UBE3B: variants seen among roughly 807,000 people sequenced by gnomAD.
UBE3B encodes the protein ubiquitin-protein ligase E3B.
UBE3B carries 80 observed loss-of-function variants against 132.3 expected under a neutral mutation model. The ratio of observed to expected loss-of-function variants is 0.60; its 90% CI spans 0.50 to 0.73. The LOEUF (loss-of-function observed/expected upper bound fraction) is 0.73, where lower values mean the gene tolerates loss of function less well. Ranked by LOEUF, UBE3B falls within the 30% of genes least tolerant of loss-of-function variation. The probability of loss-of-function intolerance (pLI) is 0.00; values close to 1 mark genes in which losing one functional copy is unlikely to be tolerated. For missense variants in UBE3B, 1,196 were observed against 1,362.5 expected, an observed-to-expected ratio of 0.88 and a Z score of 1.92; for synonymous variants, 487 against 520.4, an observed-to-expected ratio of 0.94 and a Z score of 0.87.
At position 109,530,569 on chromosome 12, in the gene UBE3B, G is replaced by A; in HGVS notation, c.2833G>A (p.Gly945Ser). 3 of 1,614,140 alleles carry A rather than the reference G, an allele frequency of 1.9e-6. No homozygotes were observed. Among genetic ancestry groups the A allele is most frequent in the Non-Finnish European group, 2.5e-6 (3 of 1,180,026 alleles). The change falls in exon 26 of 28, where the codon GGT (glycine) becomes AGT (serine). Residue 945 changes from glycine to serine, a missense_variant. Gly to Ser is a moderately conservative substitution (Grantham distance 56, BLOSUM62 0). Transcript: ENST00000342494. ...CAGGAAGCACACAGTCTACTACGGT[G>A]GTTTCCATGGAAGTCACAGAGTCAT... ...DLKKHTVYYG[G>S]FHGSHRVIIW...
intron 24 of UBE3B, among the ~76,000 whole-genome samples, chr12:109,527,692 G>T (rs1181184974): frequency 1.3e-5 from 2 of 152,128 alleles, no homozygotes; most frequent in African/African-American, 4.8e-5. Context: ...AGTGCAGATT[G>T]GGAGGGACTG....
downstream of UBE3B, among the ~76,000 whole-genome samples, chr12:109,537,981 G>A (rs550817101): frequency 6.6e-6 from 1 of 152,178 alleles, no homozygotes; most frequent in South Asian, 2.1e-4. Context: ...GATTACAGGC[G>A]TGAGCCACCG....
Position 109,509,512 on chromosome 12 carries a change from TTATTGTC to T in UBE3B, c.1623-81_1623-75del, listed in dbSNP as rs1335007438. 81 of 783,660 alleles carry T rather than the reference TTATTGTC, an allele frequency of 1.0e-4. No individual in the cohort carries two copies. The South Asian group carries it at 1.4e-3, about 13-fold the overall frequency. 48.5% of individuals were successfully genotyped at this position (783,660 alleles called of 1,614,324 possible). A position where few individuals can be genotyped will look rare whatever the true frequency, so the allele number is the denominator to read the frequency against. Reference sequence around the variant, plus strand: ...GATAAAGCTTATTTCTCAACCTCGTTTATTGTCTAGTAAGCAGTACAGATTTTTTTTC... The same window carrying T: ...GATAAAGCTTATTTCTCAACCTCGTTTAGTAAGCAGTACAGATTTTTTTTC... On this transcript the variant is annotated intron_variant, in intron 15 of 27. Transcript: ENST00000342494.
chr12:109,545,250 GC>G, the UBE3B span, among the ~76,000 whole-genome samples: 54 of 152,348 alleles, frequency 3.5e-4, no homozygotes, highest in Admixed American at 1.5e-3. Context: ...TGCAGATGGT[GC>G]CAGATGAGCC....
intron 12 of UBE3B, 96 bp from the exon 13 acceptor site, chr12:109,501,275 C>T (rs982398680): frequency 1.3e-6 from 2 of 1,486,900 alleles, no homozygotes; most frequent in East Asian, 4.6e-5. Flanking sequence ...GTCCTAGCTA[C>T]AGCTCCGAGT....
In UBE3B at chr12:109,507,893, T is replaced by C. The variant is rs183742538; in HGVS notation, c.1622+158T>C. Reference sequence around the variant, plus strand: ...CTAGCCATTTACCAAGTGAGCAGTGTGCAGTAAATGTTCAGCAGTTGTTAG... The same window carrying C: ...CTAGCCATTTACCAAGTGAGCAGTGCGCAGTAAATGTTCAGCAGTTGTTAG... On this transcript the variant is annotated intron_variant, in intron 15 of 27. Transcript: ENST00000342494. 9.6e-4 allele frequency among the ~76,000 whole-genome samples: 147 copies of C among 152,348 alleles called. 1 individual carries two copies. The highest frequency in any genetic ancestry group is 3.4e-3 in the African/African-American group (141 of 41,580).
chr12:109,498,060 A>G, intron 10 of UBE3B, 137 bp downstream of exon 10: 3 of 1,304,308 alleles, frequency 2.3e-6, no homozygotes, highest in Non-Finnish European at 3.2e-6. Flanking sequence ...TGGCCGTGAT[A>G]GACACATTTG....
In UBE3B at chr12:109,503,150, G is replaced by C. The variant is rs758248355; in HGVS notation, c.1410G>C (p.Ser470=). The C allele has an allele frequency of 6.2e-7, 1 of 1,614,164 alleles. No individual in the cohort carries two copies. The highest frequency in any genetic ancestry group is 8.5e-7 in the Non-Finnish European group (1 of 1,180,036). Residue 470 remains serine, a synonymous_variant, in exon 14 of 28, where the codon TCG becomes TCC. Coordinates refer to ENST00000342494, the MANE Select transcript of UBE3B (RefSeq NM_130466.4). The part of the protein sequence containing the change: ...VCNICVLYQT[S]LTTLTQIRLQ... ...ACATCTGTGTCCTCTACCAGACCTCGCTGACAACTCTCACACAGATTCGGC... is the reference window on the plus strand; with the variant it reads ...ACATCTGTGTCCTCTACCAGACCTCCCTGACAACTCTCACACAGATTCGGC...
chr12:109,498,737 A>G (rs1310872647), intron 11 of UBE3B, among the ~76,000 whole-genome samples: 1 of 152,176 alleles, frequency 6.6e-6, no homozygotes, highest in Non-Finnish European at 1.5e-5. Context: ...TTCATTGTAG[A>G]TGGAAGAAAG....
At position 109,515,950 on chromosome 12, in the gene UBE3B, TGAAAGGTCAGG is replaced by T. The variant is rs2136023259; in HGVS notation, c.1957-812_1957-802del. Among the ~76,000 whole-genome samples, 2 of 152,260 alleles carry T rather than the reference TGAAAGGTCAGG, an allele frequency of 1.3e-5. 1 individual carries two copies. The highest frequency in any genetic ancestry group is 4.1e-4 in the South Asian group (2 of 4,826). ...GCTTGAAGGCACAGAGGAGGCAGGT[TGAAAGGTCAGG>T]GAGCTTTATACTGTAGGGTCATTTT... On this transcript the variant is annotated intron_variant, in intron 18 of 27. Transcript: ENST00000342494.
downstream of UBE3B, among the ~76,000 whole-genome samples, chr12:109,537,626 C>T (rs1883503136): frequency 6.6e-6 from 1 of 152,222 alleles, no homozygotes; most frequent in Admixed American, 6.5e-5. Flanking sequence ...CACCTGCCTC[C>T]CCAAAACACA....
chr12:109,500,481 C>T (rs1878826782), intron 12 of UBE3B, among the ~76,000 whole-genome samples: 1 of 152,142 alleles, frequency 6.6e-6, no homozygotes, highest in Non-Finnish European at 1.5e-5. Flanking sequence ...GAGGAAATCC[C>T]CAAATTTTTC....
chr12:109,483,507 C>A (rs752830444), intron 2 of UBE3B, 24 bp from the exon 3 acceptor site: 2 of 1,523,318 alleles, frequency 1.3e-6, no homozygotes, highest in Admixed American at 4.5e-5. Context: ...ATCTACAACA[C>A]CCACTTGCCC....
At chr12:109,533,676 C>G (rs12303137) in intron 27 of UBE3B, 118 bp downstream of exon 27, 251,813 of 1,054,844 alleles carry the variant, frequency 0.24, 32,204 homozygotes, top group Middle Eastern at 0.27. Context: ...CAGCTGGACC[C>G]CTCAGAGCCA....
chr12:109,544,285 A>C, the UBE3B span, among the ~76,000 whole-genome samples: 1 of 150,456 alleles, frequency 6.6e-6, no homozygotes, highest in Non-Finnish European at 1.5e-5. Context: ...GTGGACACTC[A>C]GAGCGAGAGA....
intron 1 of UBE3B, among the ~76,000 whole-genome samples, chr12:109,479,069 G>A (rs760207401): frequency 7.9e-5 from 12 of 152,226 alleles, no homozygotes; most frequent in Non-Finnish European, 1.2e-4. Context: ...GACTGGAGTA[G>A]ATGAGATCAT....
At chr12:109,495,473 C>T (rs1322234492) in intron 9 of UBE3B, among the ~76,000 whole-genome samples, 1 of 152,162 alleles carries the variant, frequency 6.6e-6, no homozygotes, top group Non-Finnish European at 1.5e-5. Flanking sequence ...AGTTGTGCAA[C>T]CATCACCTGC....
chr12:109,501,396 A>G lies in UBE3B; in HGVS notation c.1144A>G (p.Thr382Ala). 1 of 1,614,150 alleles carries G rather than the reference A, an allele frequency of 6.2e-7. No individual in the cohort carries two copies. The highest frequency in any genetic ancestry group is 8.5e-7 in the Non-Finnish European group (1 of 1,180,036). The stretch of plus-strand genomic sequence containing the variant: ...CCTTAACGAGTCAATGCACTTGATC[A>G]CCAAACAGCTGCAGTTCTTGTGGGG... ...YGLNESMHLI[T>A]KQLQFLWGVP... is the part of the protein sequence containing the mutation. The change falls in exon 13 of 28, where the codon ACC becomes GCC. Residue 382 changes from threonine (T) to alanine (A), a missense_variant. Coordinates refer to ENST00000342494, the MANE Select transcript of UBE3B (RefSeq NM_130466.4).
chr12:109,511,230 A>C lies in UBE3B; in HGVS notation c.1883A>C (p.Gln628Pro), dbSNP rs1193853143. ...RKDLKPSVLF[Q>P]ELDRDRKRAQ... ...GATCTCAAACCTAGCGTGCTCTTCC[A>C]AGAACTCGACAGGGACAGAAAACGG... The change falls in exon 18 of 28, where the codon CAA becomes CCA. Residue 628 changes from glutamine (Q) to proline (P), a missense_variant. Coordinates refer to ENST00000342494, the MANE Select transcript of UBE3B (RefSeq NM_130466.4). The C allele has an allele frequency of 5.6e-6, 9 of 1,614,044 alleles. No homozygotes were observed. The highest frequency in any genetic ancestry group is 1.3e-5 in the African/African-American group (1 of 74,928).
Sources: allele counts gnomAD v4.1 joint callset (sites outside exome capture counted in the v4.1 genomes callset), GRCh38; gene constraint gnomAD v4.1.1; transcripts MANE v1.5; gene names NCBI Gene and HGNC (gene_info 2026-07-23, HGNC 2026-07-21).